The following CCBE1 variants were observed in gnomAD, a reference collection of about 807,000 sequenced individuals.
The protein encoded by CCBE1 is collagen and calcium-binding EGF domain-containing protein 1.
CCBE1 carries 37 observed loss-of-function variants against 50.0 expected under a neutral mutation model. The ratio of observed to expected loss-of-function variants is 0.74; its 90% CI spans 0.57 to 0.97. The LOEUF is 0.97. CCBE1 is among the 50% of genes least tolerant of loss of function. The pLI, the probability that CCBE1 is intolerant of heterozygous loss-of-function variation, is 0.00. For synonymous variants in CCBE1, 234 were observed against 203.7 expected (o/e 1.15, Z -1.27); for missense variants, 538 against 523.8 (o/e 1.03, Z -0.26).
At chr18:59,646,130 T>G (rs2054052597) in intron 2 of CCBE1, among the ~76,000 whole-genome samples, 1 of 152,196 alleles carries the variant, frequency 6.6e-6, no homozygotes, top group Non-Finnish European at 1.5e-5. Context: ...CTCCCCTACT[T>G]TGCCTCAAAC....
chr18:59,436,794 C>A (rs1401725136), intron 10 of CCBE1, among the ~76,000 whole-genome samples: 3 of 151,884 alleles, frequency 2.0e-5, no homozygotes, highest in Non-Finnish European at 2.9e-5. Flanking sequence ...CATGGTGAAA[C>A]CCTGTCTCTA....
In CCBE1 at chr18:59,692,797, C is replaced by T. The variant is rs138734157; in HGVS notation, c.212+3832G>A. ...AAGAACACTGCCTCATGAGACAGCA[C>T]GGGCTGGACAGATGAATACCGGCAG... On this transcript the variant is annotated intron_variant, in intron 2 of 10. Coordinates refer to ENST00000439986, the MANE Select transcript of CCBE1 (RefSeq NM_133459.4). 7.9e-4 allele frequency among the ~76,000 whole-genome samples: 121 copies of T among 152,218 alleles called. 1 individual carries two copies. The East Asian group carries it at 0.014, about 17-fold the overall frequency.
chr18:59,445,169 G>C (rs1464785206), intron 7 of CCBE1, among the ~76,000 whole-genome samples: 1 of 152,062 alleles, frequency 6.6e-6, no homozygotes, highest in Non-Finnish European at 1.5e-5. Flanking sequence ...TCATAGTTTT[G>C]GGGTCTTACA....
intron 7 of CCBE1, among the ~76,000 whole-genome samples, chr18:59,442,464 A>G (rs1910478101): frequency 6.6e-6 from 1 of 152,190 alleles, no homozygotes; most frequent in Non-Finnish European, 1.5e-5. Flanking sequence ...GCGGTGGCTC[A>G]TGCCTGTAAT....
rs1910029893 is a variant in CCBE1, at chr18:59,433,804, C to T, written c.*2104G>A. On this transcript the variant is annotated 3_prime_UTR_variant, in exon 11 of 11. Transcript: ENST00000439986. ...TGTTTTTAGTAGAGACAGGGTTTCA[C>T]TGTGGTCTCGATCTCCTGACCTCGT... is the stretch of plus-strand genomic sequence containing the variant. The T allele has an allele frequency of 6.7e-6, 1 of 149,540 alleles. No individual in the cohort carries two copies. Among genetic ancestry groups the T allele is most frequent in the South Asian group, 2.1e-4 (1 of 4,726 alleles). 9.3% of individuals were successfully genotyped at this position (149,540 alleles called of 1,614,324 possible). A position where few individuals can be genotyped will look rare whatever the true frequency, so the allele number is the denominator to read the frequency against.
chr18:59,471,589 G>T (rs1912037724), intron 3 of CCBE1, among the ~76,000 whole-genome samples: 1 of 152,160 alleles, frequency 6.6e-6, no homozygotes, highest in Non-Finnish European at 1.5e-5. Flanking sequence ...GAATTACCTT[G>T]TATATTTTTG....
At chr18:59,641,464 G>A (rs1215873665) in intron 2 of CCBE1, among the ~76,000 whole-genome samples, 4 of 152,082 alleles carry the variant, frequency 2.6e-5, no homozygotes, top group Non-Finnish European at 5.9e-5. Flanking sequence ...AGGGTGGGAG[G>A]AGGGTGAGGA....
intron 2 of CCBE1, among the ~76,000 whole-genome samples, chr18:59,654,225 G>A (rs1047939911): frequency 2.0e-5 from 3 of 152,162 alleles, no homozygotes; most frequent in African/African-American, 7.2e-5. Flanking sequence ...ATAAAGTAAT[G>A]TATGATGGAA....
At chr18:59,478,261 G>A (rs1215214655) in intron 3 of CCBE1, among the ~76,000 whole-genome samples, 1 of 152,086 alleles carries the variant, frequency 6.6e-6, no homozygotes, top group Non-Finnish European at 1.5e-5. Context: ...CTCAGTCTCA[G>A]TCTCTCCCTC....
rs528215455 is a variant in CCBE1 at position 59,496,873 on chromosome 18, C to T, written c.213-16635G>A. On this transcript the variant is annotated intron_variant, in intron 2 of 10. Transcript: ENST00000439986. ...TATTAACAAGTATAAAATGTGGAGACGTCACATGGTATGGTGGTTATAGGC... is the reference window on the plus strand; with the variant it reads ...TATTAACAAGTATAAAATGTGGAGATGTCACATGGTATGGTGGTTATAGGC... Among the ~76,000 whole-genome samples the T allele has an allele frequency of 1.6e-3, 246 of 152,252 alleles. 1 individual carries two copies. The highest frequency in any genetic ancestry group is 5.6e-3 in the African/African-American group (234 of 41,554).
intron 7 of CCBE1, among the ~76,000 whole-genome samples, chr18:59,446,362 G>A (rs114843295): frequency 1.7e-3 from 260 of 152,318 alleles, no homozygotes; most frequent in African/African-American, 5.9e-3. Flanking sequence ...TCTCTTAGAG[G>A]AGGGTGGAGA....
rs377228562 is a variant in CCBE1 at position 59,655,500 on chromosome 18, T to C, written c.212+41129A>G. On this transcript the variant is annotated intron_variant, in intron 2 of 10. Transcript: ENST00000439986. ...AATTCAGTTTCTCTCCACAGGTTTT[T>C]CAGTACAGGTCCATATGGAGATCCT... Among the ~76,000 whole-genome samples the C allele has an allele frequency of 4.6e-5, 7 of 152,364 alleles. No individual in the cohort carries two copies. In the East Asian group the frequency reaches 7.7e-4, roughly 17 times the overall value.
At chr18:59,461,821 C>A (rs1911497215) in intron 5 of CCBE1, among the ~76,000 whole-genome samples, 2 of 147,816 alleles carry the variant, frequency 1.4e-5, no homozygotes, top group African/African-American at 5.0e-5. Flanking sequence ...CAACCTCAGC[C>A]TCCTGGGTTC....
intron 2 of CCBE1, among the ~76,000 whole-genome samples, chr18:59,667,465 C>A (rs116090372): frequency 0.011 from 1,601 of 152,164 alleles, 20 homozygotes; most frequent in African/African-American, 0.035. Flanking sequence ...GAGGGGCTGG[C>A]AACAGCAGGA....
chr18:59,576,439 T>C (rs142966042), intron 2 of CCBE1, among the ~76,000 whole-genome samples: 48 of 152,314 alleles, frequency 3.2e-4, no homozygotes, highest in African/African-American at 1.0e-3. Context: ...TCTGTAAATA[T>C]TTTTGTCAAT....
intron 2 of CCBE1, among the ~76,000 whole-genome samples, chr18:59,625,751 A>G (rs772384813): frequency 6.6e-6 from 1 of 152,134 alleles, no homozygotes; most frequent in Non-Finnish European, 1.5e-5. Flanking sequence ...CTATGGTCTG[A>G]ATGTCCCCCA....
At chr18:59,458,139 T>G (rs1281680123) in intron 5 of CCBE1, among the ~76,000 whole-genome samples, 1 of 148,750 alleles carries the variant, frequency 6.7e-6, no homozygotes, top group Non-Finnish European at 1.5e-5. Flanking sequence ...CATCCATCCA[T>G]CCATCCATCT....
At chr18:59,440,243 A>T (rs569068761) in intron 7 of CCBE1, among the ~76,000 whole-genome samples, 17 of 152,322 alleles carry the variant, frequency 1.1e-4, no homozygotes, top group African/African-American at 3.4e-4. Context: ...AGGTTTTAGC[A>T]TCAGGGAGAC....
chr18:59,503,447 G>GA (rs970861089), intron 2 of CCBE1, among the ~76,000 whole-genome samples: 2 of 152,196 alleles, frequency 1.3e-5, no homozygotes, highest in African/African-American at 4.8e-5. Context: ...TGACAGGGTT[G>GA]AAATTGGAGG....
Sources: allele counts gnomAD v4.1 joint callset (sites outside exome capture counted in the v4.1 genomes callset), GRCh38; gene constraint gnomAD v4.1.1; transcripts MANE v1.5; gene names NCBI Gene and HGNC (gene_info 2026-07-23, HGNC 2026-07-21).